YWHAE: variants seen among roughly 807,000 people sequenced by gnomAD.
YWHAE encodes 14-3-3 protein epsilon.
A neutral mutation model predicts 30.1 loss-of-function variants in YWHAE; 4 were observed. The ratio of observed to expected loss-of-function variants is 0.13; its 90% CI spans 0.07 to 0.30. The LOEUF is 0.30. Ranked by LOEUF, YWHAE falls within the 10% of genes least tolerant of loss-of-function variation. The pLI is 1.00. For missense variants in YWHAE, 121 were observed against 315.9 expected, an observed-to-expected ratio of 0.38 and a Z score of 4.68; for synonymous variants, 118 against 111.8, an observed-to-expected ratio of 1.06 and a Z score of -0.35.
chr17:1,349,070 C>T (rs1181502880), intron 5 of YWHAE, among the ~76,000 whole-genome samples: 4 of 150,238 alleles, frequency 2.7e-5, no homozygotes, highest in African/African-American at 4.9e-5. Context: ...AGGCCAGGTG[C>T]GGTGACTCGG....
intron 1 of YWHAE, among the ~76,000 whole-genome samples, chr17:1,390,700 C>A (rs182655489): frequency 2.0e-5 from 3 of 152,192 alleles, no homozygotes; most frequent in African/African-American, 7.2e-5. Context: ...ATAACTCTTA[C>A]AGTAATGCAT....
chr17:1,355,172 TGG>T (rs374523369), intron 4 of YWHAE, among the ~76,000 whole-genome samples: 12 of 36,060 alleles, frequency 3.3e-4, no homozygotes, highest in Non-Finnish European at 3.7e-4. Context: ...TTTTTTTTTT[TGG>T]GGGACGGGGT....
chr17:1,360,257 C>A (rs1012926011), intron 4 of YWHAE, among the ~76,000 whole-genome samples: 1 of 152,144 alleles, frequency 6.6e-6, no homozygotes, highest in Non-Finnish European at 1.5e-5. Flanking sequence ...CCACTGCACC[C>A]AGGCTATCAC....
chr17:1,350,696 C>T (rs1436950141), intron 5 of YWHAE, among the ~76,000 whole-genome samples: 1 of 151,972 alleles, frequency 6.6e-6, no homozygotes, highest in Non-Finnish European at 1.5e-5. Context: ...TCCACTTCGG[C>T]CTCCCAAACT....
intron 1 of YWHAE, among the ~76,000 whole-genome samples, chr17:1,390,595 T>C (rs747976124): frequency 5.9e-5 from 9 of 152,194 alleles, no homozygotes; most frequent in Non-Finnish European, 1.0e-4. Flanking sequence ...AAGAGAGACA[T>C]CACTAATCCC....
At chr17:1,354,443 G>A (rs997402168) in intron 4 of YWHAE, 96 bp from the exon 5 acceptor site, 1 of 1,215,656 alleles carries the variant, frequency 8.2e-7, no homozygotes, top group African/African-American at 1.5e-5. Flanking sequence ...AGTTATTCCA[G>A]TTTGTAATAG....
At chr17:1,376,374 C>G (rs67056666) in intron 1 of YWHAE, among the ~76,000 whole-genome samples, 1 of 77,006 alleles carries the variant, frequency 1.3e-5, no homozygotes, top group Non-Finnish European at 2.9e-5. Flanking sequence ...GACAGACAGA[C>G]AGAAAGAAAG....
intron 1 of YWHAE, among the ~76,000 whole-genome samples, chr17:1,367,375 G>A (rs935804552): frequency 2.0e-5 from 3 of 152,160 alleles, no homozygotes; most frequent in Non-Finnish European, 2.9e-5. Flanking sequence ...GGCCAAGACA[G>A]GAGGATTACT....
intron 1 of YWHAE, chr17:1,369,808 G>C (rs1237634850): frequency 6.6e-6 from 1 of 152,172 alleles, no homozygotes; most frequent in South Asian, 2.1e-4. Context: ...GCATAGAAAA[G>C]TTATGTTTAA....
intron 2 of YWHAE, among the ~76,000 whole-genome samples, chr17:1,363,288 T>A (rs1032414708): frequency 6.6e-6 from 1 of 152,044 alleles, no homozygotes. Context: ...TGATTCAGAG[T>A]TTCCCTCTTG....
chr17:1,371,491 CA>C (rs1168632324), intron 1 of YWHAE, among the ~76,000 whole-genome samples: 2 of 151,928 alleles, frequency 1.3e-5, no homozygotes, highest in African/African-American at 2.4e-5. Flanking sequence ...ATGCTGTAAA[CA>C]TAAGTGCTGT....
intron 3 of YWHAE, chr17:1,361,571 C>G: frequency 2.3e-6 from 1 of 438,216 alleles, no homozygotes; most frequent in Non-Finnish European, 4.0e-6. Context: ...CCTGATAGAC[C>G]AGAATTAAAC....
intron 1 of YWHAE, among the ~76,000 whole-genome samples, chr17:1,376,069 G>A (rs1462629237): frequency 6.6e-6 from 1 of 152,152 alleles, no homozygotes; most frequent in Non-Finnish European, 1.5e-5. Context: ...AGAACACGAA[G>A]GTTAAACTTG....
intron 1 of YWHAE, among the ~76,000 whole-genome samples, chr17:1,396,119 C>CA (rs535314977): frequency 2.5e-4 from 37 of 150,382 alleles, no homozygotes; most frequent in East Asian, 7.8e-4. Context: ...GACTCCGTCT[C>CA]AAAAAAAAGA....
At chr17:1,383,173 A>T (rs1680922063) in intron 1 of YWHAE, among the ~76,000 whole-genome samples, 2 of 151,862 alleles carry the variant, frequency 1.3e-5, no homozygotes, top group Admixed American at 6.6e-5. Context: ...CAACATAGAG[A>T]AACCCCATCT....
chr17:1,348,798 CG>C (rs1198917101), intron 5 of YWHAE, among the ~76,000 whole-genome samples: 1 of 150,540 alleles, frequency 6.6e-6, no homozygotes, highest in Non-Finnish European at 1.5e-5. Flanking sequence ...CCGAGGCAGG[CG>C]GATCACGAGG....
intron 1 of YWHAE, among the ~76,000 whole-genome samples, chr17:1,387,813 G>A (rs908462760): frequency 4.6e-4 from 58 of 127,232 alleles, no homozygotes; most frequent in African/African-American, 1.3e-3. Context: ...TAGTAGAGAC[G>A]GGGGGTCTCA....
chr17:1,364,606 T>G, intron 2 of YWHAE: 1 of 531,984 alleles, frequency 1.9e-6, no homozygotes, highest in Non-Finnish European at 3.3e-6. Flanking sequence ...AGGGATCCAT[T>G]GAGACCTGCC....
At chr17:1,389,193 T>C (rs1433915552) in intron 1 of YWHAE, among the ~76,000 whole-genome samples, 1 of 152,110 alleles carries the variant, frequency 6.6e-6, no homozygotes, top group Non-Finnish European at 1.5e-5. Context: ...CTCAAACTTT[T>C]GGGCTTAAGG....
Sources: allele counts gnomAD v4.1 joint callset (sites outside exome capture counted in the v4.1 genomes callset), GRCh38; gene constraint gnomAD v4.1.1; transcripts MANE v1.5; gene names NCBI Gene and HGNC (gene_info 2026-07-23, HGNC 2026-07-21).